Variants in PDZRN4 observed in about 807,000 individuals in gnomAD.
The protein encoded by PDZRN4 is PDZ domain containing ring finger 4.
In PDZRN4, 70 loss-of-function variants were observed where a neutral mutation model predicts 99.0. The ratio of observed to expected loss-of-function variants is 0.71; its 90% CI spans 0.58 to 0.86. The LOEUF (loss-of-function observed/expected upper bound fraction) is 0.86, where lower values mean the gene tolerates loss of function less well. Among genes scored for constraint, PDZRN4 ranks in the 40% least tolerant of loss-of-function variants. PDZRN4 has a pLI of 0.00. For synonymous variants in PDZRN4, 551 were observed against 501.6 expected, an observed-to-expected ratio of 1.10 and a Z score of -1.32; for missense variants, 1,474 against 1,331.2, an observed-to-expected ratio of 1.11 and a Z score of -1.67.
intron 3 of PDZRN4, among the ~76,000 whole-genome samples, chr12:41,429,097 T>A (rs1952564149): frequency 6.6e-6 from 1 of 152,178 alleles, no homozygotes; most frequent in Non-Finnish European, 1.5e-5. Context: ...GAAACGTCAG[T>A]GGTCAATGAA....
chr12:41,451,635 A>G (rs947670151), intron 3 of PDZRN4, among the ~76,000 whole-genome samples: 2 of 152,240 alleles, frequency 1.3e-5, no homozygotes, highest in African/African-American at 4.8e-5. Context: ...AATGGTGTAT[A>G]TAATTGCCTT....
intron 3 of PDZRN4, among the ~76,000 whole-genome samples, chr12:41,395,249 A>C (rs943205742): frequency 5.4e-4 from 81 of 151,078 alleles, no homozygotes; most frequent in African/African-American, 1.9e-3. Context: ...AAACTAAAAA[A>C]GCAAAGTATC....
intron 5 of PDZRN4, among the ~76,000 whole-genome samples, chr12:41,525,696 G>A (rs1043720679): frequency 6.6e-6 from 1 of 151,954 alleles, no homozygotes; most frequent in African/African-American, 2.4e-5. Context: ...GAATATTTAT[G>A]AAGAAAGGAA....
At chr12:41,498,439 C>G (rs144131601) in intron 3 of PDZRN4, among the ~76,000 whole-genome samples, 18 of 152,194 alleles carry the variant, frequency 1.2e-4, no homozygotes, top group Middle Eastern at 3.4e-3. Flanking sequence ...TATCAAGGTG[C>G]CAGCATCTGG....
At chr12:41,446,189 G>A (rs1325553834) in intron 3 of PDZRN4, among the ~76,000 whole-genome samples, 1 of 151,964 alleles carries the variant, frequency 6.6e-6, no homozygotes, top group African/African-American at 2.4e-5. Context: ...GTCCTCTGAA[G>A]CTTTGCTTTT....
intron 3 of PDZRN4, among the ~76,000 whole-genome samples, chr12:41,201,033 T>G (rs1950812311): frequency 6.6e-6 from 1 of 152,046 alleles, no homozygotes; most frequent in Non-Finnish European, 1.5e-5. Context: ...TTTTCTACCC[T>G]CAGCAAAACT....
chr12:41,554,668 C>T (rs774946104), intron 6 of PDZRN4, among the ~76,000 whole-genome samples: 1 of 152,056 alleles, frequency 6.6e-6, no homozygotes, highest in Non-Finnish European at 1.5e-5. Context: ...TGTAAGTCAT[C>T]ACTCAAGTTT....
At chr12:41,289,582 G>A (rs906224580) in intron 3 of PDZRN4, among the ~76,000 whole-genome samples, 1 of 152,090 alleles carries the variant, frequency 6.6e-6, no homozygotes, top group South Asian at 2.1e-4. Flanking sequence ...TGTAATAGAG[G>A]GCCTTTTGGA....
intron 3 of PDZRN4, among the ~76,000 whole-genome samples, chr12:41,357,316 C>T (rs527920473): frequency 4.4e-4 from 67 of 151,988 alleles, no homozygotes; most frequent in African/African-American, 1.5e-3. Context: ...ATTTATTCAT[C>T]CCAACAACCC....
intron 5 of PDZRN4, among the ~76,000 whole-genome samples, chr12:41,511,035 C>T (rs939947534): frequency 6.6e-6 from 1 of 152,066 alleles, no homozygotes; most frequent in Non-Finnish European, 1.5e-5. Context: ...ATATCCATTG[C>T]TTTGTCTATT....
At position 41,378,520 on chromosome 12, in the gene PDZRN4, A is replaced by ATTTT. The variant is rs71081733; in HGVS notation, c.844-127920_844-127917dup. Among the ~76,000 whole-genome samples, 4 of 102,842 alleles carry ATTTT rather than the reference A, an allele frequency of 3.9e-5. 1 individual carries two copies. Among genetic ancestry groups the ATTTT allele is most frequent in the Admixed American group, 1.2e-4 (1 of 8,436 alleles). 67.5% of individuals were successfully genotyped at this position (102,842 alleles called of 152,430 possible). ...TTTGGAAGTGCTCCTTCTGTCTTCA[A>ATTTT]TTTTTTTTTTTTTTTTTTTGAGACA... On this transcript the variant is annotated intron_variant, in intron 3 of 9. Transcript: ENST00000402685.
rs1386463246 is a variant in PDZRN4, at chr12:41,409,329, G to A, written c.844-97127G>A. 2.0e-5 allele frequency: 3 copies of A among 152,010 alleles called. 1 individual carries two copies. Among genetic ancestry groups the A allele is most frequent in the South Asian group, 4.1e-4 (2 of 4,820 alleles). The allele number at this position is 152,010 out of a possible 1,614,324, so 9.4% of individuals were successfully genotyped here. A position where few individuals can be genotyped will look rare whatever the true frequency, so the allele number is the denominator to read the frequency against. ...TCTTGACCAGATCCCCAGGCACTCTGGTAGGTGCAAAATTCCCAAAAAAAA... is the reference window on the plus strand; with the variant it reads ...TCTTGACCAGATCCCCAGGCACTCTAGTAGGTGCAAAATTCCCAAAAAAAA... On this transcript the variant is annotated intron_variant, in intron 3 of 9. Coordinates refer to ENST00000402685, the MANE Select transcript of PDZRN4 (RefSeq NM_001164595.2).
At chr12:41,283,764 G>T (rs970884698) in intron 3 of PDZRN4, among the ~76,000 whole-genome samples, 9 of 152,120 alleles carry the variant, frequency 5.9e-5, no homozygotes, top group African/African-American at 1.9e-4. Context: ...AAAATCACGT[G>T]ATTATTTCAA....
intron 9 of PDZRN4, among the ~76,000 whole-genome samples, chr12:41,568,128 G>T (rs557713701): frequency 1.3e-5 from 2 of 152,136 alleles, no homozygotes; most frequent in Non-Finnish European, 2.9e-5. Context: ...TGTTAATACA[G>T]TACAGTAGTA....
At position 41,441,161 on chromosome 12, in the gene PDZRN4, A is replaced by G. The variant is rs1291523395; in HGVS notation, c.844-65295A>G. The stretch of plus-strand genomic sequence containing the variant: ...GAGCAAATATTTAGAAGACCATACT[A>G]TTAACAAGAAGCTGTTTATAGGATT... On this transcript the variant is annotated intron_variant, in intron 3 of 9. Coordinates refer to ENST00000402685, the MANE Select transcript of PDZRN4 (RefSeq NM_001164595.2). 5.9e-5 allele frequency among the ~76,000 whole-genome samples: 9 copies of G among 152,162 alleles called. No homozygotes were observed. The East Asian group carries it at 7.7e-4, about 13-fold the overall frequency.
At chr12:41,378,444 T>C (rs1237395386) in intron 3 of PDZRN4, among the ~76,000 whole-genome samples, 1 of 152,090 alleles carries the variant, frequency 6.6e-6, no homozygotes, top group East Asian at 1.9e-4. Context: ...TTTTCTTGTA[T>C]TGTCTTTATC....
intron 3 of PDZRN4, among the ~76,000 whole-genome samples, chr12:41,342,617 C>A (rs1345071086): frequency 6.6e-6 from 1 of 151,716 alleles, no homozygotes; most frequent in Non-Finnish European, 1.5e-5. Context: ...AAATGTTCAA[C>A]ATAACTAATC....
intron 5 of PDZRN4, 45 bp downstream of exon 5, chr12:41,509,958 G>C: frequency 2.3e-6 from 2 of 884,534 alleles, no homozygotes; most frequent in Non-Finnish European, 3.6e-6. Flanking sequence ...ATGAAGTTAC[G>C]GTTGAGGGGT....
At chr12:41,409,058 G>T (rs1265801439) in intron 3 of PDZRN4, among the ~76,000 whole-genome samples, 2 of 152,146 alleles carry the variant, frequency 1.3e-5, no homozygotes, top group Admixed American at 6.6e-5. Context: ...CATTTTAAAA[G>T]AGGAGATTGA....
Sources: allele counts gnomAD v4.1 joint callset (sites outside exome capture counted in the v4.1 genomes callset), GRCh38; gene constraint gnomAD v4.1.1; transcripts MANE v1.5; gene names NCBI Gene and HGNC (gene_info 2026-07-23, HGNC 2026-07-21).